The following CFAP61 variants were observed in gnomAD, a reference collection of about 807,000 sequenced individuals.
The protein encoded by CFAP61 is cilia- and flagella-associated protein 61.
In CFAP61, 107 loss-of-function variants were observed where a neutral mutation model predicts 135.6. That is an observed-to-expected ratio of 0.79 (90% CI 0.67 to 0.93). The LOEUF (loss-of-function observed/expected upper bound fraction) is 0.93. Among genes scored for constraint, CFAP61 ranks in the 40% least tolerant of loss-of-function variants. The pLI is 0.00. For missense variants in CFAP61, 1,507 were observed against 1,556.2 expected, an observed-to-expected ratio of 0.97 and a Z score of 0.53; for synonymous variants, 575 against 578.5, an observed-to-expected ratio of 0.99 and a Z score of 0.09.
intron 13 of CFAP61, among the ~76,000 whole-genome samples, chr20:20,179,969 G>A (rs2054927780): frequency 6.6e-6 from 1 of 152,134 alleles, no homozygotes; most frequent in South Asian, 2.1e-4. Context: ...AATGGGCAAA[G>A]GTGTCATGAT....
intron 13 of CFAP61, among the ~76,000 whole-genome samples, chr20:20,174,838 G>C (rs189164617): frequency 4.1e-4 from 63 of 152,330 alleles, no homozygotes; most frequent in East Asian, 7.7e-4. Flanking sequence ...GGAAATGTGA[G>C]AGTGGGAGTG....
chr20:20,212,935 A>G (rs953329308), intron 17 of CFAP61, among the ~76,000 whole-genome samples: 1 of 151,936 alleles, frequency 6.6e-6, no homozygotes, highest in South Asian at 2.1e-4. Context: ...AGCAGCAGAC[A>G]GTACACAAAC....
intron 17 of CFAP61, among the ~76,000 whole-genome samples, chr20:20,211,635 G>A (rs768974322): frequency 6.6e-5 from 10 of 152,150 alleles, no homozygotes; most frequent in Non-Finnish European, 1.2e-4. Context: ...CATTTGGTCC[G>A]TCGAAACCCA....
Position 20,090,583 on chromosome 20 carries a change from G to A in CFAP61, c.567-261G>A, listed in dbSNP as rs13044836. ...TGCATGCCTATAGTCCCACCTACTCGGGAGGCTGAGGCAGGAGAATCGCTT... is the reference window on the plus strand; with the variant it reads ...TGCATGCCTATAGTCCCACCTACTCAGGAGGCTGAGGCAGGAGAATCGCTT... On this transcript the variant is annotated intron_variant, in intron 6 of 26. Transcript: ENST00000245957. Among the ~76,000 whole-genome samples the A allele has an allele frequency of 0.41, 62,521 of 150,914 alleles. 13,263 individuals carry two copies. Among genetic ancestry groups the A allele is most frequent in the South Asian group, 0.53 (2,512 of 4,770 alleles).
chr20:20,127,681 T>C (rs560300904), intron 8 of CFAP61, among the ~76,000 whole-genome samples: 4 of 151,426 alleles, frequency 2.6e-5, no homozygotes, highest in Non-Finnish European at 2.9e-5. Flanking sequence ...GTTTTTAGCT[T>C]TGGTGGTTTA....
chr20:20,327,771 G>T (rs6136997), intron 25 of CFAP61, among the ~76,000 whole-genome samples: 54,265 of 107,062 alleles, frequency 0.51, 12,328 homozygotes, highest in African/African-American at 0.62. Context: ...CAGAGCAAGA[G>T]CCTGTCAAAA....
Position 20,251,709 on chromosome 20 carries a change from G to A in CFAP61, c.2274G>A (p.Thr758=), listed in dbSNP as rs1473765381. 16 of 1,614,024 alleles carry A rather than the reference G, an allele frequency of 9.9e-6. No individual in the cohort carries two copies. The highest frequency in any genetic ancestry group is 3.3e-5 in the South Asian group (3 of 91,086). The change falls in exon 20 of 27, where the codon ACG becomes ACA. Residue 758 remains threonine, a synonymous_variant. Coordinates refer to ENST00000245957, the MANE Select transcript of CFAP61 (RefSeq NM_015585.4). ...CAGCCAAGCACGTTGTGCTTTCCAC[G>A]GACGAGATCGTGCCCTACGACCACC... The part of the protein sequence containing the change: ...DRAAKHVVLS[T]DEIVPYDHLI...
rs1569258452 is a variant in CFAP61, at chr20:20,296,032, TTTCTTCCTCCCTC to T, written c.3217-2148_3217-2136del. On this transcript the variant is annotated intron_variant, in intron 24 of 26. Transcript: ENST00000245957. ...TTCCCTCCTTTCCTTCCTTCTTTCT[TTTCTTCCTCCCTC>T]CCTTCCTTCCCTTCCTTCCCTTCCT... Among the ~76,000 whole-genome samples the T allele has an allele frequency of 1.3e-4, 9 of 67,494 alleles. 1 individual carries two copies. Among genetic ancestry groups the T allele is most frequent in the East Asian group, 4.0e-4 (1 of 2,514 alleles). The allele number at this position is 67,494 out of a possible 152,430, so 44.3% of individuals were successfully genotyped here.
At chr20:20,150,525 T>G (rs561753443) in intron 9 of CFAP61, among the ~76,000 whole-genome samples, 25 of 152,326 alleles carry the variant, frequency 1.6e-4, no homozygotes, top group African/African-American at 4.8e-4. Flanking sequence ...TTCCACTGCC[T>G]GAAACATCCT....
At chr20:20,181,548 C>T (rs1008233790) in intron 13 of CFAP61, among the ~76,000 whole-genome samples, 4 of 152,074 alleles carry the variant, frequency 2.6e-5, no homozygotes, top group Non-Finnish European at 4.4e-5. Flanking sequence ...GGCTTCATCA[C>T]TTCTTCACCG....
At chr20:20,239,707 C>T (rs1255303894) in intron 18 of CFAP61, among the ~76,000 whole-genome samples, 1 of 152,094 alleles carries the variant, frequency 6.6e-6, no homozygotes, top group Non-Finnish European at 1.5e-5. Context: ...ACTTCTGAGA[C>T]CGGGATCTTA....
rs141785689 is a variant in CFAP61, at chr20:20,052,596, G to A, written c.-37+5G>A. ...CGTCCTGGAGCTGCGGATGAGGTGGGTAACGCCGTGCTGACTAGCAGCGAC... is the reference window on the plus strand; with the variant it reads ...CGTCCTGGAGCTGCGGATGAGGTGGATAACGCCGTGCTGACTAGCAGCGAC... On this transcript the variant is annotated splice_donor_5th_base_variant and intron_variant, in intron 1 of 26. Transcript: ENST00000245957. The A allele has an allele frequency of 1.2e-6, 2 of 1,613,746 alleles. No homozygotes were observed. Among genetic ancestry groups the A allele is most frequent in the Non-Finnish European group, 8.5e-7 (1 of 1,179,896 alleles).
intron 24 of CFAP61, among the ~76,000 whole-genome samples, chr20:20,291,637 A>T (rs1037222934): frequency 1.3e-5 from 2 of 152,218 alleles, no homozygotes; most frequent in Non-Finnish European, 2.9e-5. Context: ...ATCCACTTTC[A>T]TGTCAATGGA....
chr20:20,142,804 C>G (rs372715048), intron 8 of CFAP61, 53 bp from the exon 9 acceptor site: 18 of 989,670 alleles, frequency 1.8e-5, no homozygotes, highest in Middle Eastern at 2.0e-4. Flanking sequence ...TCCTGTGATT[C>G]TGCAGATATT....
At chr20:20,211,925 G>C (rs1464263641) in intron 17 of CFAP61, among the ~76,000 whole-genome samples, 4 of 152,018 alleles carry the variant, frequency 2.6e-5, no homozygotes, top group Non-Finnish European at 5.9e-5. Flanking sequence ...GGATCTGTGG[G>C]GACAGCACTT....
intron 18 of CFAP61, chr20:20,232,712 T>C (rs1462653291): frequency 6.6e-6 from 1 of 152,222 alleles, no homozygotes; most frequent in African/African-American, 2.4e-5. Context: ...AGTTCCTTTT[T>C]AATCCATTAT....
chr20:20,065,876 ACT>A (rs1216184658), intron 2 of CFAP61, among the ~76,000 whole-genome samples: 3 of 152,064 alleles, frequency 2.0e-5, no homozygotes, highest in African/African-American at 4.8e-5. Flanking sequence ...ATGTGAGGAA[ACT>A]CTGAGGTTTC....
At chr20:20,260,699 A>G (rs941476957) in intron 20 of CFAP61, among the ~76,000 whole-genome samples, 2 of 152,206 alleles carry the variant, frequency 1.3e-5, no homozygotes, top group Non-Finnish European at 2.9e-5. Flanking sequence ...ATTTTTGCCT[A>G]AACACCACTA....
At chr20:20,099,051 A>G (rs1191115846) in intron 8 of CFAP61, among the ~76,000 whole-genome samples, 1 of 152,000 alleles carries the variant, frequency 6.6e-6, no homozygotes, top group Non-Finnish European at 1.5e-5. Context: ...TCCCACATTC[A>G]GGATGCTCAC....
Sources: gnomAD v4.1 joint callset for allele counts (sites outside exome capture counted in the v4.1 genomes callset) on GRCh38, gnomAD v4.1.1 for gene constraint, MANE v1.5 for transcripts, NCBI Gene and HGNC (gene_info 2026-07-23, HGNC 2026-07-21) for gene names.